The following SGCZ variants were observed in gnomAD, a reference collection of about 807,000 sequenced individuals.
SGCZ encodes zeta-sarcoglycan.
SGCZ carries 40 observed loss-of-function variants against 41.3 expected under a neutral mutation model. That is an observed-to-expected ratio of 0.97 (90% CI 0.75 to 1.26). The LOEUF is 1.26. Among genes scored for constraint, SGCZ ranks in the 50% most tolerant of loss-of-function variants. The pLI, the probability that SGCZ is intolerant of heterozygous loss-of-function variation, is 0.00. For synonymous variants in SGCZ, 206 were observed against 137.5 expected (o/e 1.50, Z -3.49); for missense variants, 552 against 369.8 (o/e 1.49, Z -4.04).
intron 2 of SGCZ, among the ~76,000 whole-genome samples, chr8:14,428,174 G>T (rs1013817525): frequency 6.7e-6 from 1 of 148,824 alleles, no homozygotes; most frequent in African/African-American, 2.5e-5. Context: ...ATACACACAT[G>T]CATATATATT....
At chr8:14,749,665 G>A (rs980784708) in intron 1 of SGCZ, among the ~76,000 whole-genome samples, 14 of 152,086 alleles carry the variant, frequency 9.2e-5, no homozygotes. Context: ...ATGGTTAGGA[G>A]AATTGTTACC....
At chr8:14,480,717 A>C (rs1268442207) in intron 2 of SGCZ, among the ~76,000 whole-genome samples, 1 of 152,054 alleles carries the variant, frequency 6.6e-6, no homozygotes, top group East Asian at 1.9e-4. Flanking sequence ...TTTCATTATA[A>C]AGACTATATT....
chr8:14,942,309 A>G (rs1164685737), intron 1 of SGCZ, among the ~76,000 whole-genome samples: 2 of 152,178 alleles, frequency 1.3e-5, no homozygotes, highest in Non-Finnish European at 2.9e-5. Flanking sequence ...TCAAAACACT[A>G]ATGTATACAT....
rs200414979 is a variant in SGCZ, at chr8:14,699,243, CAT to C, written c.40-144319_40-144318del. ...AATATATAAATCTCATATATATATG[CAT>C]ATATATATACCAATCTTTTCAGATA... is the stretch of plus-strand genomic sequence containing the variant. On this transcript the variant is annotated intron_variant, in intron 1 of 7. Coordinates refer to ENST00000382080, the MANE Select transcript of SGCZ (RefSeq NM_139167.4). 2.0e-5 allele frequency among the ~76,000 whole-genome samples: 3 copies of C among 149,080 alleles called. No homozygotes were observed. The East Asian group carries it at 5.9e-4, about 29-fold the overall frequency.
At chr8:14,297,200 G>T (rs1017399799) in intron 3 of SGCZ, among the ~76,000 whole-genome samples, 4 of 152,010 alleles carry the variant, frequency 2.6e-5, no homozygotes, top group Non-Finnish European at 5.9e-5. Flanking sequence ...TGGGATTACA[G>T]GCCTGAGCCA....
chr8:14,495,377 C>G (rs949055568), intron 2 of SGCZ, among the ~76,000 whole-genome samples: 4 of 152,154 alleles, frequency 2.6e-5, no homozygotes, highest in African/African-American at 9.7e-5. Flanking sequence ...TGCTTATTGA[C>G]ATAACTGATT....
chr8:14,297,926 AAAAGTCTTAC>A (rs1432566873), intron 3 of SGCZ, among the ~76,000 whole-genome samples: 5 of 152,078 alleles, frequency 3.3e-5, no homozygotes, highest in Admixed American at 3.3e-4. Flanking sequence ...ACAACTAGAT[AAAAGTCTTAC>A]AATAAAATGA....
At chr8:15,023,588 TA>T (rs1417714739) in intron 1 of SGCZ, among the ~76,000 whole-genome samples, 3 of 152,202 alleles carry the variant, frequency 2.0e-5, no homozygotes, top group Non-Finnish European at 4.4e-5. Flanking sequence ...GTACAGCAAT[TA>T]AAACTATTCA....
intron 3 of SGCZ, among the ~76,000 whole-genome samples, chr8:14,255,076 T>G (rs866872875): frequency 3.3e-5 from 5 of 152,142 alleles, no homozygotes; most frequent in Middle Eastern, 3.2e-3. Context: ...CAGTATTAGT[T>G]CCAGATAATT....
At chr8:14,558,613 A>AGAGAGAGAGAGAGAGAGAGAG (rs59852253) in intron 1 of SGCZ, among the ~76,000 whole-genome samples, 22 of 148,518 alleles carry the variant, frequency 1.5e-4, no homozygotes, top group Non-Finnish European at 2.7e-4. Flanking sequence ...AGAGAGAGAG[A>AGAGAGAGAGAGAGAGAGAGAG]ATCTTCCATA....
chr8:14,559,343 A>C, intron 1 of SGCZ, among the ~76,000 whole-genome samples: 1 of 152,144 alleles, frequency 6.6e-6, no homozygotes, highest in East Asian at 1.9e-4. Context: ...ACAGTGACCA[A>C]GCTGAGAATC....
At chr8:14,146,150 T>C (rs1447012469) in intron 5 of SGCZ, among the ~76,000 whole-genome samples, 1 of 152,136 alleles carries the variant, frequency 6.6e-6, no homozygotes, top group Admixed American at 6.5e-5. Context: ...GGCATTTAGT[T>C]ATCAAACTCT....
intron 4 of SGCZ, among the ~76,000 whole-genome samples, chr8:14,220,058 T>C (rs1806139230): frequency 1.3e-5 from 2 of 152,188 alleles, no homozygotes; most frequent in East Asian, 3.9e-4. Flanking sequence ...ACATTGACGG[T>C]CCAAAAATGC....
chr8:14,969,582 T>A (rs977495747), intron 1 of SGCZ, among the ~76,000 whole-genome samples: 1 of 151,952 alleles, frequency 6.6e-6, no homozygotes, highest in Non-Finnish European at 1.5e-5. Context: ...ACACTGTAGG[T>A]TAGTTGACAT....
At chr8:14,395,880 A>G (rs1798905464) in intron 2 of SGCZ, among the ~76,000 whole-genome samples, 1 of 152,194 alleles carries the variant, frequency 6.6e-6, no homozygotes, top group South Asian at 2.1e-4. Context: ...TTACTGCAAA[A>G]AGTATCTGTT....
At chr8:14,169,571 A>C (rs1358903304) in intron 4 of SGCZ, among the ~76,000 whole-genome samples, 1 of 151,782 alleles carries the variant, frequency 6.6e-6, no homozygotes, top group East Asian at 1.9e-4. Flanking sequence ...GCTGCTTCCT[A>C]CCTCCTTTGT....
intron 1 of SGCZ, among the ~76,000 whole-genome samples, chr8:14,822,793 C>T (rs932522003): frequency 1.3e-5 from 2 of 152,052 alleles, no homozygotes; most frequent in Non-Finnish European, 2.9e-5. Context: ...AAATAGACTG[C>T]TCCCTTTCAT....
At chr8:14,149,662 A>AC (rs1214819642) in intron 5 of SGCZ, among the ~76,000 whole-genome samples, 1 of 151,510 alleles carries the variant, frequency 6.6e-6, no homozygotes, top group African/African-American at 2.4e-5. Context: ...ATAGGAAAAA[A>AC]AAAAAAAACA....
At chr8:14,875,824 C>G (rs934932105) in intron 1 of SGCZ, among the ~76,000 whole-genome samples, 1 of 152,122 alleles carries the variant, frequency 6.6e-6, no homozygotes, top group Non-Finnish European at 1.5e-5. Flanking sequence ...TAGATGATTT[C>G]ACATCTGGGC....
Sources: gnomAD v4.1 joint callset for allele counts (sites outside exome capture counted in the v4.1 genomes callset) on GRCh38, gnomAD v4.1.1 for gene constraint, MANE v1.5 for transcripts, NCBI Gene and HGNC (gene_info 2026-07-23, HGNC 2026-07-21) for gene names.